The following SCAP variants were observed in gnomAD, a reference collection of about 807,000 sequenced individuals.
The protein encoded by SCAP is SREBF chaperone.
In SCAP, 65 loss-of-function variants were observed where a neutral mutation model predicts 123.6. That is an observed-to-expected ratio of 0.53 (90% CI 0.43 to 0.65). The LOEUF (loss-of-function observed/expected upper bound fraction) is 0.65, where lower values mean the gene tolerates loss of function less well. Ranked by LOEUF, SCAP falls within the 30% of genes least tolerant of loss-of-function variation. The probability of loss-of-function intolerance (pLI) is 0.00; values close to 1 mark genes in which losing one functional copy is unlikely to be tolerated. For missense variants in SCAP, 1,398 were observed against 1,712.5 expected (o/e 0.82, Z 3.24); for synonymous variants, 740 against 726.3 (o/e 1.02, Z -0.30).
Position 47,435,017 on chromosome 3 carries a change from C to A in SCAP, c.243G>T (p.Gln81His). ...CATGACGAGTACCCACCCACTCAGG[C>A]TGCTCAGTAGGCTCTCCTTGTTTGC... ...SDRKQGEPTE[Q>H]PEWYVGAPVA... is the part of the protein sequence containing the mutation. The change falls in exon 3 of 23, where the codon CAG becomes CAT. Residue 81 changes from glutamine to histidine, a missense_variant. Coordinates refer to ENST00000265565, the MANE Select transcript of SCAP (RefSeq NM_012235.4). 1 of 1,614,176 alleles carries A rather than the reference C, an allele frequency of 6.2e-7. No homozygotes were observed. Among genetic ancestry groups the A allele is most frequent in the Non-Finnish European group, 8.5e-7 (1 of 1,180,002 alleles).
chr3:47,461,698 T>A (rs1707645646), intron 1 of SCAP, among the ~76,000 whole-genome samples: 1 of 152,016 alleles, frequency 6.6e-6, no homozygotes. Flanking sequence ...CAGAGTTGAT[T>A]CCCCAGCACC....
intron 1 of SCAP, among the ~76,000 whole-genome samples, chr3:47,474,368 GAATA>G (rs1350231422): frequency 2.0e-5 from 3 of 151,920 alleles, no homozygotes; most frequent in South Asian, 2.1e-4. Context: ...ATGACCAAAA[GAATA>G]AATATGGAAA....
chr3:47,417,868 G>T, intron 16 of SCAP, 42 bp from the exon 17 acceptor site: 1 of 521,910 alleles, frequency 1.9e-6, no homozygotes, highest in East Asian at 3.5e-5. Flanking sequence ...CACGGGGGAG[G>T]GGGGTGAGAG....
Position 47,413,713 on chromosome 3 carries a change from G to T in SCAP, c.*141C>A. ...CAAAGTGCCTGACAGATGATGATAT[G>T]GTTTTTTAAAAAAGTTTAATATTAT... On this transcript the variant is annotated 3_prime_UTR_variant, in exon 23 of 23. Transcript: ENST00000265565. 1 of 1,179,242 alleles carries T rather than the reference G, an allele frequency of 8.5e-7. No homozygotes were observed. Among genetic ancestry groups the T allele is most frequent in the Non-Finnish European group, 1.2e-6 (1 of 840,066 alleles). 73.0% of individuals were successfully genotyped at this position (1,179,242 alleles called of 1,614,324 possible).
rs766803939 is a variant in SCAP, at chr3:47,434,998, G to A, written c.252+10C>T. On this transcript the variant is annotated intron_variant, in intron 3 of 22. Transcript: ENST00000265565. ...TCTGTGCTGGCCTCAGGAACATGACGAGTACCCACCCACTCAGGCTGCTCA... is the reference window on the plus strand; with the variant it reads ...TCTGTGCTGGCCTCAGGAACATGACAAGTACCCACCCACTCAGGCTGCTCA... 21 of 1,613,944 alleles carry A rather than the reference G, an allele frequency of 1.3e-5. No individual in the cohort carries two copies. In the African/African-American group the frequency reaches 2.3e-4, roughly 17 times the overall value.
intron 1 of SCAP, among the ~76,000 whole-genome samples, chr3:47,445,938 C>T (rs1383915298): frequency 6.2e-5 from 9 of 145,892 alleles, no homozygotes; most frequent in African/African-American, 1.5e-4. Flanking sequence ...TGCGGTGGTG[C>T]GATCTCAGCT....
At chr3:47,418,626 T>C (rs529398318) in intron 14 of SCAP, 29 bp downstream of exon 14, 1 of 1,414,310 alleles carries the variant, frequency 7.1e-7, no homozygotes, top group Non-Finnish European at 9.8e-7. Context: ...CCGCACTCTT[T>C]CCCACCCCAC....
chr3:47,445,703 C>A (rs1707010455), intron 1 of SCAP, among the ~76,000 whole-genome samples: 1 of 152,010 alleles, frequency 6.6e-6, no homozygotes, highest in Non-Finnish European at 1.5e-5. Context: ...TCCCTTGTAG[C>A]TGGGAGCACA....
chr3:47,425,171 G>A, intron 8 of SCAP: 1 of 272,614 alleles, frequency 3.7e-6, no homozygotes, highest in South Asian at 7.2e-5. Flanking sequence ...ACACAAATCC[G>A]ACTACACACA....
At chr3:47,464,980 C>G (rs1408241943) in intron 1 of SCAP, among the ~76,000 whole-genome samples, 1 of 151,842 alleles carries the variant, frequency 6.6e-6, no homozygotes, top group Non-Finnish European at 1.5e-5. Context: ...TGACAGTGAA[C>G]AATCTAAAAA....
rs536493477 is a variant in SCAP, at chr3:47,425,098, G to A, written c.1037+387C>T. ...CTCTTCTCTATCTCACACCTCCAGTGGCTTAAGCCATCAAGCTGCAGTGTG... is the reference window on the plus strand; with the variant it reads ...CTCTTCTCTATCTCACACCTCCAGTAGCTTAAGCCATCAAGCTGCAGTGTG... On this transcript the variant is annotated intron_variant, in intron 8 of 22. Coordinates refer to ENST00000265565, the MANE Select transcript of SCAP (RefSeq NM_012235.4). Among the ~76,000 whole-genome samples the A allele has an allele frequency of 1.4e-4, 22 of 152,250 alleles. No homozygotes were observed. In the East Asian group the frequency reaches 4.2e-3, roughly 29 times the overall value.
intron 10 of SCAP, chr3:47,421,485 G>C (rs557482656): frequency 5.7e-6 from 1 of 174,160 alleles, no homozygotes; most frequent in African/African-American, 2.4e-5. Flanking sequence ...AATGAAGAGA[G>C]AGAGAGAGGG....
At chr3:47,456,889 A>T (rs1707448958) in intron 1 of SCAP, among the ~76,000 whole-genome samples, 1 of 152,140 alleles carries the variant, frequency 6.6e-6, no homozygotes, top group Admixed American at 6.5e-5. Flanking sequence ...AAATCAATTT[A>T]AAAATACCAA....
At chr3:47,415,261 G>C (rs1705522388) in intron 18 of SCAP, 81 bp from the exon 19 acceptor site, 1 of 1,332,370 alleles carries the variant, frequency 7.5e-7, no homozygotes, top group Admixed American at 2.5e-5. Context: ...TGAGAGTTAA[G>C]GGCCAGTTCA....
Position 47,442,934 on chromosome 3 carries a change from G to T in SCAP, c.60C>A (p.Leu20=), listed in dbSNP as rs776070178. Residue 20 remains leucine (L), a synonymous_variant, in exon 2 of 23, where the codon CTC becomes CTA. Transcript: ENST00000265565. ...KISRAFYNHG[L]LCASYPIPII... ...TGGGGATGGGATAGGATGCACAGAG[G>T]AGCCCATGGTTGTAGAAGGCCCGAG... The T allele has an allele frequency of 1.2e-6, 2 of 1,614,134 alleles. No individual in the cohort carries two copies. The highest frequency in any genetic ancestry group is 1.7e-5 in the Admixed American group (1 of 60,010).
At position 47,429,068 on chromosome 3, in the gene SCAP, C is replaced by G. The variant is rs1267498073; in HGVS notation, c.253-398G>C. ...TGCTCAAAGACTTCCCAGAAATCACCCTTCCTTCCATCAATCATCTGCTAA... is the reference window on the plus strand; with the variant it reads ...TGCTCAAAGACTTCCCAGAAATCACGCTTCCTTCCATCAATCATCTGCTAA... On this transcript the variant is annotated intron_variant, in intron 3 of 22. Transcript: ENST00000265565. 51 of 186,108 alleles carry G rather than the reference C, an allele frequency of 2.7e-4. 1 individual carries two copies. Among genetic ancestry groups the G allele is most frequent in the East Asian group, 3.1e-4 (2 of 6,544 alleles). 11.5% of individuals were successfully genotyped at this position (186,108 alleles called of 1,614,324 possible). A position where few individuals can be genotyped will look rare whatever the true frequency, so the allele number is the denominator to read the frequency against.
Position 47,421,037 on chromosome 3 carries a change from C to A in SCAP, c.1246-8G>T. 1 of 1,610,788 alleles carries A rather than the reference C, an allele frequency of 6.2e-7. No homozygotes were observed. Among genetic ancestry groups the A allele is most frequent in the Non-Finnish European group, 8.5e-7 (1 of 1,177,140 alleles). Reference sequence around the variant, plus strand: ...AGCAAAGAGACAGAACTCCTGGAATCAGAGCACATGGGGATGGGGGGGTGC... The same window carrying A: ...AGCAAAGAGACAGAACTCCTGGAATAAGAGCACATGGGGATGGGGGGGTGC... On this transcript the variant is annotated splice_region_variant and splice_polypyrimidine_tract_variant and intron_variant, in intron 10 of 22. Transcript: ENST00000265565.
At chr3:47,453,199 C>A (rs537008880) in intron 1 of SCAP, among the ~76,000 whole-genome samples, 1 of 152,286 alleles carries the variant, frequency 6.6e-6, no homozygotes, top group South Asian at 2.1e-4. Flanking sequence ...TTGCACTTCA[C>A]TTCTGGTTTG....
In SCAP at chr3:47,442,845, C is replaced by G. The variant is rs777918757; in HGVS notation, c.122+27G>C. 5.0e-6 allele frequency: 8 copies of G among 1,607,370 alleles called. No individual in the cohort carries two copies. The African/African-American group carries it at 1.1e-4, about 21-fold the overall frequency. ...CTACTGTCCTAAGACACTGGCCCAC[C>G]ATATCCAAGGCAACCCAAAAACATA... On this transcript the variant is annotated intron_variant, in intron 2 of 22. Coordinates refer to ENST00000265565, the MANE Select transcript of SCAP (RefSeq NM_012235.4).
Sources: allele counts gnomAD v4.1 joint callset (sites outside exome capture counted in the v4.1 genomes callset), GRCh38; gene constraint gnomAD v4.1.1; transcripts MANE v1.5; gene names NCBI Gene and HGNC (gene_info 2026-07-23, HGNC 2026-07-21).